The following CACNA2D3 variants were observed in gnomAD, a reference collection of about 807,000 sequenced individuals.
The protein encoded by CACNA2D3 is calcium voltage-gated channel auxiliary subunit alpha2delta 3.
A neutral mutation model predicts 160.6 loss-of-function variants in CACNA2D3; 60 were observed. That is an observed-to-expected ratio of 0.37 (90% confidence interval 0.30 to 0.46). The LOEUF is 0.46. Among genes scored for constraint, CACNA2D3 ranks in the 20% least tolerant of loss-of-function variants. The pLI is 1.00. For missense variants in CACNA2D3, 1,205 were observed against 1,365.0 expected (o/e 0.88, Z 1.85); for synonymous variants, 558 against 492.9 (o/e 1.13, Z -1.75).
At chr3:54,550,093 C>A (rs1236265369) in intron 5 of CACNA2D3, among the ~76,000 whole-genome samples, 2 of 152,166 alleles carry the variant, frequency 1.3e-5, no homozygotes, top group Non-Finnish European at 2.9e-5. Context: ...CCCCCGCCCC[C>A]ACAGAGCATA....
intron 14 of CACNA2D3, among the ~76,000 whole-genome samples, chr3:54,828,328 T>C (rs1703788540): frequency 6.6e-6 from 1 of 152,196 alleles, no homozygotes; most frequent in African/African-American, 2.4e-5. Flanking sequence ...TCATTGTCAT[T>C]AGTCCTGGGC....
chr3:54,502,616 A>G (rs1348873023), intron 4 of CACNA2D3, among the ~76,000 whole-genome samples: 10 of 152,234 alleles, frequency 6.6e-5, no homozygotes, highest in Non-Finnish European at 2.9e-5. Context: ...GCCATTGGCC[A>G]TCTGATACAG....
intron 2 of CACNA2D3, among the ~76,000 whole-genome samples, chr3:54,182,190 A>G (rs1331968640): frequency 1.3e-5 from 2 of 152,232 alleles, no homozygotes; most frequent in East Asian, 3.8e-4. Context: ...TTAGCAGTAC[A>G]GCCTTGTCCA....
intron 2 of CACNA2D3, among the ~76,000 whole-genome samples, chr3:54,211,596 C>T (rs987430367): frequency 2.6e-5 from 4 of 152,196 alleles, no homozygotes; most frequent in South Asian, 2.1e-4. Flanking sequence ...CTCCTTACTA[C>T]GTGTATTCTT....
chr3:55,009,462 C>G lies in CACNA2D3; in HGVS notation c.2875+19C>G, dbSNP rs746390398. ...GCTAAAGGTGAGCAGCAACTGGTTT[C>G]TGTTTCCCAGCTTGGAGGGATAAGC... is the stretch of plus-strand genomic sequence containing the variant. On this transcript the variant is annotated intron_variant, in intron 34 of 37. Transcript: ENST00000474759. The G allele has an allele frequency of 6.2e-7, 1 of 1,612,386 alleles. No individual in the cohort carries two copies. Among genetic ancestry groups the G allele is most frequent in the Non-Finnish European group, 8.5e-7 (1 of 1,178,416 alleles).
chr3:54,774,035 C>A (rs1331024769), intron 13 of CACNA2D3, among the ~76,000 whole-genome samples: 2 of 152,146 alleles, frequency 1.3e-5, no homozygotes, highest in Non-Finnish European at 2.9e-5. Context: ...GAGCATCTAG[C>A]CTGAATAATC....
At chr3:55,016,490 G>T (rs1330432466) in intron 34 of CACNA2D3, among the ~76,000 whole-genome samples, 1 of 152,196 alleles carries the variant, frequency 6.6e-6, no homozygotes, top group Non-Finnish European at 1.5e-5. Flanking sequence ...GGTGCTTTTA[G>T]CTACTACATA....
At chr3:54,930,845 C>A (rs534018866) in intron 27 of CACNA2D3, among the ~76,000 whole-genome samples, 2 of 152,256 alleles carry the variant, frequency 1.3e-5, no homozygotes, top group South Asian at 4.1e-4. Flanking sequence ...CCTGTAATCC[C>A]AATATACTTT....
At chr3:54,706,052 C>A (rs1397903556) in intron 11 of CACNA2D3, among the ~76,000 whole-genome samples, 1 of 152,314 alleles carries the variant, frequency 6.6e-6, no homozygotes, top group East Asian at 1.9e-4. Context: ...GTTCACACAC[C>A]ATAAGGCCAA....
chr3:54,358,665 A>G (rs1559459992), intron 3 of CACNA2D3, among the ~76,000 whole-genome samples: 1 of 152,162 alleles, frequency 6.6e-6, no homozygotes, highest in Non-Finnish European at 1.5e-5. Context: ...TCTCTGAAAA[A>G]TGGTCATGTT....
intron 5 of CACNA2D3, among the ~76,000 whole-genome samples, chr3:54,544,325 T>G (rs1289913492): frequency 6.6e-6 from 1 of 152,196 alleles, no homozygotes; most frequent in East Asian, 1.9e-4. Flanking sequence ...GGCTTTATTA[T>G]TCTATCTTTA....
At chr3:54,787,143 C>T (rs76076995) in intron 13 of CACNA2D3, among the ~76,000 whole-genome samples, 8,769 of 152,186 alleles carry the variant, frequency 0.058, 293 homozygotes, top group East Asian at 0.12. Context: ...GTACTCATAA[C>T]GCGTTTAAAG....
chr3:54,908,455 C>G (rs773530643), intron 27 of CACNA2D3, among the ~76,000 whole-genome samples: 1 of 152,166 alleles, frequency 6.6e-6, no homozygotes, highest in Non-Finnish European at 1.5e-5. Context: ...GTGGCTCATG[C>G]CTGTAATCCC....
At chr3:54,408,314 CATAAT>C (rs1699611136) in intron 4 of CACNA2D3, among the ~76,000 whole-genome samples, 2 of 152,058 alleles carry the variant, frequency 1.3e-5, no homozygotes, top group African/African-American at 4.8e-5. Context: ...ACAGAGAACA[CATAAT>C]ATCGTAATTT....
intron 11 of CACNA2D3, among the ~76,000 whole-genome samples, chr3:54,739,425 CAAA>C (rs780105524): frequency 1.2e-5 from 1 of 85,324 alleles, no homozygotes; most frequent in Non-Finnish European, 2.2e-5. Flanking sequence ...GACTCTGTCT[CAAA>C]AAAAAAAAAA....
At chr3:54,879,568 T>G (rs892577513) in intron 20 of CACNA2D3, among the ~76,000 whole-genome samples, 157 bp downstream of exon 20, 2 of 152,174 alleles carry the variant, frequency 1.3e-5, no homozygotes, top group African/African-American at 4.8e-5. Context: ...AGGCTGCTTT[T>G]GTTTTCCAGA....
intron 11 of CACNA2D3, among the ~76,000 whole-genome samples, chr3:54,718,971 C>T (rs1366784223): frequency 6.6e-6 from 1 of 151,870 alleles, no homozygotes; most frequent in African/African-American, 2.4e-5. Context: ...TATTTGAAAG[C>T]CATCAACTTT....
At chr3:54,624,883 ATGG>A (rs773459471) in intron 9 of CACNA2D3, among the ~76,000 whole-genome samples, 4 of 152,184 alleles carry the variant, frequency 2.6e-5, no homozygotes, top group Non-Finnish European at 5.9e-5. Flanking sequence ...CTAAGTCCTC[ATGG>A]TGGTCACAAG....
chr3:54,816,808 G>T, intron 13 of CACNA2D3, 45 bp from the exon 14 acceptor site: 1 of 1,606,652 alleles, frequency 6.2e-7, no homozygotes, highest in Non-Finnish European at 8.5e-7. Context: ...CTTATATAAT[G>T]ATCAACTTTT....
Sources: allele counts gnomAD v4.1 joint callset (sites outside exome capture counted in the v4.1 genomes callset), GRCh38; gene constraint gnomAD v4.1.1; transcripts MANE v1.5; gene names NCBI Gene and HGNC (gene_info 2026-07-23, HGNC 2026-07-21).